The following NTM variants were observed in gnomAD, a reference collection of about 807,000 sequenced individuals.
NTM encodes IgLON family member 2.
In NTM, 13 loss-of-function variants were observed where a neutral mutation model predicts 42.1. The ratio of observed to expected loss-of-function variants is 0.31; its 90% CI spans 0.20 to 0.49. The LOEUF (loss-of-function observed/expected upper bound fraction) is 0.49, where lower values mean the gene tolerates loss of function less well. NTM is among the 20% of genes least tolerant of loss of function. NTM has a pLI of 0.99. For missense variants in NTM, 373 were observed against 452.8 expected (o/e 0.82, Z 1.60); for synonymous variants, 187 against 179.2 (o/e 1.04, Z -0.35).
chr11:132,098,402 C>G (rs1004031601), intron 2 of NTM, among the ~76,000 whole-genome samples: 1 of 152,328 alleles, frequency 6.6e-6, no homozygotes, highest in African/African-American at 2.4e-5. Flanking sequence ...GCGGCCATCT[C>G]CATTAATTCA....
intron 1 of NTM, chr11:131,671,701 T>C (rs891264526): frequency 1.4e-6 from 1 of 707,520 alleles, no homozygotes; most frequent in South Asian, 6.3e-5. Flanking sequence ...CACAGGCCAC[T>C]GGAGAGTGAC....
In NTM at chr11:131,727,950, G is replaced by A. The variant is rs77103177; in HGVS notation, c.83-183614G>A. On this transcript the variant is annotated intron_variant, in intron 1 of 8. Transcript: ENST00000683400. ...TTATTAGAAAATAAGCTGCATGAGAGCAGGGCCAGCTTGTATACCATGTTG... is the reference window on the plus strand; with the variant it reads ...TTATTAGAAAATAAGCTGCATGAGAACAGGGCCAGCTTGTATACCATGTTG... 6.6e-4 allele frequency among the ~76,000 whole-genome samples: 101 copies of A among 152,322 alleles called. 1 individual carries two copies. In the East Asian group the frequency reaches 0.017, roughly 26 times the overall value.
chr11:131,597,317 TTCTGTCTC>T (rs2059898361), intron 1 of NTM, among the ~76,000 whole-genome samples: 1 of 152,118 alleles, frequency 6.6e-6, no homozygotes, highest in African/African-American at 2.4e-5. Flanking sequence ...TTGTGTCTGC[TTCTGTCTC>T]TCTGTCTCTC....
intron 1 of NTM, among the ~76,000 whole-genome samples, chr11:131,375,337 C>T (rs1941817731): frequency 6.6e-6 from 1 of 152,176 alleles, no homozygotes; most frequent in Non-Finnish European, 1.5e-5. Flanking sequence ...TTCCTTTCTG[C>T]TCTATTGTCT....
chr11:131,487,634 A>G (rs1954322585), intron 1 of NTM, among the ~76,000 whole-genome samples: 1 of 152,228 alleles, frequency 6.6e-6, no homozygotes, highest in Admixed American at 6.5e-5. Context: ...TATTGAGGAG[A>G]CAGTTTACAG....
intron 2 of NTM, among the ~76,000 whole-genome samples, chr11:131,989,519 A>G (rs982772185): frequency 5.3e-5 from 8 of 152,190 alleles, no homozygotes; most frequent in African/African-American, 1.9e-4. Flanking sequence ...TGTTAGCCTA[A>G]TAACTATGGG....
intron 1 of NTM, among the ~76,000 whole-genome samples, chr11:131,861,295 T>C (rs2046608680): frequency 6.6e-6 from 1 of 152,204 alleles, no homozygotes; most frequent in African/African-American, 2.4e-5. Flanking sequence ...CAATGTGACC[T>C]GTGGTATAAT....
intron 2 of NTM, among the ~76,000 whole-genome samples, chr11:132,120,153 C>T (rs1441191866): frequency 6.6e-6 from 1 of 151,780 alleles, no homozygotes; most frequent in Admixed American, 6.6e-5. Context: ...GTCTTTGTTT[C>T]CTCCTGTTTA....
chr11:132,231,322 C>T (rs146573568), intron 4 of NTM, among the ~76,000 whole-genome samples: 167 of 152,330 alleles, frequency 1.1e-3, no homozygotes, highest in African/African-American at 3.8e-3. Flanking sequence ...TTCCAAGTCT[C>T]CATGTCCCCT....
chr11:131,464,167 G>A (rs1436200463), intron 1 of NTM, among the ~76,000 whole-genome samples: 1 of 152,140 alleles, frequency 6.6e-6, no homozygotes, highest in East Asian at 1.9e-4. Context: ...CAGGAAGCTG[G>A]CCCCTTGGTT....
intron 1 of NTM, among the ~76,000 whole-genome samples, chr11:131,703,942 C>A (rs77616098): frequency 6.6e-6 from 1 of 152,136 alleles, no homozygotes; most frequent in Non-Finnish European, 1.5e-5. Flanking sequence ...AGCCAGCCCC[C>A]ACAGCTCCAG....
intron 1 of NTM, among the ~76,000 whole-genome samples, chr11:131,884,651 T>TC (rs1291698688): frequency 1.3e-5 from 2 of 151,580 alleles, no homozygotes; most frequent in East Asian, 1.9e-4. Context: ...GAAACACGGG[T>TC]CCCAGGGGAA....
chr11:132,242,430 G>C (rs762695359), intron 4 of NTM, among the ~76,000 whole-genome samples: 1 of 152,176 alleles, frequency 6.6e-6, no homozygotes, highest in Non-Finnish European at 1.5e-5. Flanking sequence ...TAAAAAAATG[G>C]TGGGTGGGGA....
chr11:131,540,985 C>G (rs151327402), intron 1 of NTM: 6 of 152,222 alleles, frequency 3.9e-5, no homozygotes, highest in Middle Eastern at 3.4e-3. Context: ...GTTAGTGGCA[C>G]GAGAGGAAAT....
chr11:131,575,885 T>A (rs1213362263), intron 1 of NTM, among the ~76,000 whole-genome samples: 2 of 152,174 alleles, frequency 1.3e-5, no homozygotes, highest in Non-Finnish European at 2.9e-5. Flanking sequence ...GGATTCCAGA[T>A]GAATTATCTC....
intron 1 of NTM, among the ~76,000 whole-genome samples, chr11:131,688,255 G>A (rs1186607168): frequency 2.6e-5 from 4 of 152,160 alleles, no homozygotes; most frequent in South Asian, 2.1e-4. Flanking sequence ...CCCTCTCAGC[G>A]GACTCCAGAC....
chr11:131,940,264 C>A (rs2134200660), intron 2 of NTM, among the ~76,000 whole-genome samples: 1 of 152,286 alleles, frequency 6.6e-6, no homozygotes, highest in African/African-American at 2.4e-5. Context: ...CCACGTGCAA[C>A]TTATGTACAG....
intron 1 of NTM, among the ~76,000 whole-genome samples, chr11:131,764,656 C>G (rs938311917): frequency 6.6e-5 from 10 of 152,142 alleles, no homozygotes; most frequent in African/African-American, 2.4e-4. Flanking sequence ...CATTGCAAGA[C>G]TATTGTGAGA....
intron 1 of NTM, among the ~76,000 whole-genome samples, chr11:131,698,713 C>G (rs544259810): frequency 3.3e-5 from 5 of 152,196 alleles, no homozygotes; most frequent in Non-Finnish European, 7.3e-5. Context: ...AAGTCAGAAC[C>G]AGCGCCCTCC....
Sources: allele counts gnomAD v4.1 joint callset (sites outside exome capture counted in the v4.1 genomes callset), GRCh38; gene constraint gnomAD v4.1.1; transcripts MANE v1.5; gene names NCBI Gene and HGNC (gene_info 2026-07-23, HGNC 2026-07-21).